The following KCTD16 variants were observed in gnomAD, a reference collection of about 807,000 sequenced individuals.
The protein encoded by KCTD16 is potassium channel tetramerization domain containing 16.
A neutral mutation model predicts 33.2 loss-of-function variants in KCTD16; 13 were observed. The observed-to-expected ratio is 0.39, with a 90% CI of 0.25 to 0.62. The LOEUF (loss-of-function observed/expected upper bound fraction) is 0.62, where lower values mean the gene tolerates loss of function less well. Among genes scored for constraint, KCTD16 ranks in the 20% least tolerant of loss-of-function variants. The pLI is 0.50. For missense variants in KCTD16, 441 were observed against 525.1 expected, an observed-to-expected ratio of 0.84 and a Z score of 1.57; for synonymous variants, 197 against 195.3, an observed-to-expected ratio of 1.01 and a Z score of -0.07.
intron 3 of KCTD16, among the ~76,000 whole-genome samples, chr5:144,321,543 G>A (rs183311747): frequency 5.9e-5 from 9 of 152,212 alleles, no homozygotes; most frequent in Admixed American, 2.0e-4. Flanking sequence ...GTTTAAAACC[G>A]TCTAGGTTAG....
At chr5:144,252,793 G>C (rs768175754) in intron 3 of KCTD16, among the ~76,000 whole-genome samples, 14 of 151,284 alleles carry the variant, frequency 9.3e-5, no homozygotes, top group Non-Finnish European at 2.1e-4. Flanking sequence ...TGTCAGGAAA[G>C]TTTCATCTCT....
At chr5:144,408,874 G>A (rs1009740702) in intron 3 of KCTD16, among the ~76,000 whole-genome samples, 4 of 151,934 alleles carry the variant, frequency 2.6e-5, no homozygotes. Flanking sequence ...ACCTTCAAAT[G>A]TCTCCCACTT....
intron 3 of KCTD16, among the ~76,000 whole-genome samples, chr5:144,227,912 G>A (rs948670705): frequency 1.4e-4 from 21 of 152,322 alleles, no homozygotes; most frequent in African/African-American, 5.1e-4. Context: ...TGGAGTTACT[G>A]CTAATCAAGA....
intron 3 of KCTD16, among the ~76,000 whole-genome samples, chr5:144,305,185 T>G (rs1179170332): frequency 1.3e-5 from 2 of 152,072 alleles, no homozygotes; most frequent in African/African-American, 4.8e-5. Context: ...CTGTTATATC[T>G]TTTTTAGAGT....
intron 3 of KCTD16, among the ~76,000 whole-genome samples, chr5:144,248,838 T>C (rs529657813): frequency 6.6e-6 from 1 of 152,292 alleles, no homozygotes; most frequent in South Asian, 2.1e-4. Context: ...AAATCTTAGT[T>C]TGGGACATGT....
rs181358203 is a variant in KCTD16 at position 144,450,506 on chromosome 5, T to C, written c.833-23154T>C. ...AGAGATATCTGCACTCTCATATTCA[T>C]TGTGGCATTTTTCACAATATTCAAG... On this transcript the variant is annotated intron_variant, in intron 3 of 3. Transcript: ENST00000512467. 2.6e-5 allele frequency among the ~76,000 whole-genome samples: 4 copies of C among 152,214 alleles called. No individual in the cohort carries two copies. The East Asian group carries it at 7.7e-4, about 29-fold the overall frequency.
chr5:144,397,081 AC>A (rs1752585683), intron 3 of KCTD16, among the ~76,000 whole-genome samples: 1 of 44,128 alleles, frequency 2.3e-5, no homozygotes, highest in East Asian at 8.2e-4. Flanking sequence ...CCCTCCCCCC[AC>A]CCCACAACAG....
At chr5:144,248,960 TCTTTA>T (rs1356439909) in intron 3 of KCTD16, among the ~76,000 whole-genome samples, 4 of 152,202 alleles carry the variant, frequency 2.6e-5, no homozygotes, top group Non-Finnish European at 5.9e-5. Flanking sequence ...AGACTCTGCC[TCTTTA>T]CTTGGTCTCA....
In KCTD16 at chr5:144,441,737, A is replaced by G. The variant is rs1435696525; in HGVS notation, c.833-31923A>G. Among the ~76,000 whole-genome samples, 4 of 149,882 alleles carry G rather than the reference A, an allele frequency of 2.7e-5. No individual in the cohort carries two copies. In the East Asian group the frequency reaches 7.8e-4, roughly 29 times the overall value. ...GATTATAGTAGTAGCTTTGTAGTAA[A>G]TTTTGAAATCAGGATATATGAGTTC... On this transcript the variant is annotated intron_variant, in intron 3 of 3. Coordinates refer to ENST00000512467, the MANE Select transcript of KCTD16 (RefSeq NM_020768.4).
At chr5:144,390,722 T>C (rs549348260) in intron 3 of KCTD16, among the ~76,000 whole-genome samples, 1 of 152,058 alleles carries the variant, frequency 6.6e-6, no homozygotes, top group Non-Finnish European at 1.5e-5. Flanking sequence ...TTCCCCTCCC[T>C]GTGCCCATGT....
chr5:144,427,344 C>A (rs1047523810), intron 3 of KCTD16, among the ~76,000 whole-genome samples: 1 of 152,056 alleles, frequency 6.6e-6, no homozygotes, highest in Non-Finnish European at 1.5e-5. Context: ...GACATTCCTA[C>A]TTTATTTTCT....
rs550828860 is a variant in KCTD16, at chr5:144,404,323, A to G, written c.833-69337A>G. On this transcript the variant is annotated intron_variant, in intron 3 of 3. Transcript: ENST00000512467. ...ACCATCCCTTAATAGTATTAAACAA[A>G]CAATAAATATCAATTAATATTGATA... Among the ~76,000 whole-genome samples the G allele has an allele frequency of 2.6e-4, 40 of 152,318 alleles. 1 individual carries two copies. The highest frequency in any genetic ancestry group is 2.1e-3 in the Admixed American group (32 of 15,300).
chr5:144,426,825 G>A (rs974892012), intron 3 of KCTD16, among the ~76,000 whole-genome samples: 1 of 152,028 alleles, frequency 6.6e-6, no homozygotes, highest in African/African-American at 2.4e-5. Flanking sequence ...CCACCCCCTT[G>A]ATAATGCCAT....
At chr5:144,337,850 A>G (rs915775371) in intron 3 of KCTD16, among the ~76,000 whole-genome samples, 1 of 152,168 alleles carries the variant, frequency 6.6e-6, no homozygotes. Context: ...CAGAGTGTCT[A>G]GGTCCAGATC....
chr5:144,209,787 AATAT>A (rs10628313), intron 3 of KCTD16, among the ~76,000 whole-genome samples: 1 of 141,060 alleles, frequency 7.1e-6, no homozygotes, highest in African/African-American at 2.6e-5. Context: ...CTTAGGGGGA[AATAT>A]ATATATATAT....
rs1242336976 is a variant in KCTD16, at chr5:144,207,367, C to G, written c.653C>G (p.Ala218Gly). 6.2e-7 allele frequency: 1 copy of G among 1,614,160 alleles called. No individual in the cohort carries two copies. The highest frequency in any genetic ancestry group is 2.2e-5 in the East Asian group (1 of 44,882). ...TLNESRDPDR[A>G]PERYTSRFYL... ...AATGAAAGCAGAGACCCTGATCGAG[C>G]CCCAGAAAGATACACCTCCAGATTT... The change falls in exon 3 of 4, where the codon GCC (alanine) becomes GGC (glycine). Residue 218 changes from alanine (A) to glycine (G), a missense_variant. This residue lies in a region of KCTD16 where 355 missense variants were observed against 413.0 expected (regional missense o/e 0.86). Transcript: ENST00000512467.
chr5:144,351,213 C>T (rs1455188870), intron 3 of KCTD16, among the ~76,000 whole-genome samples: 4 of 152,058 alleles, frequency 2.6e-5, no homozygotes, highest in African/African-American at 2.4e-5. Flanking sequence ...ATTCTTTCTA[C>T]GAATGTGTCT....
intron 3 of KCTD16, among the ~76,000 whole-genome samples, chr5:144,345,349 TATA>T (rs917587163): frequency 8.6e-5 from 13 of 151,696 alleles, no homozygotes; most frequent in South Asian, 8.3e-4. Flanking sequence ...AAACTTAAAG[TATA>T]ATAATAATAA....
At chr5:144,258,907 A>G (rs1754923658) in intron 3 of KCTD16, among the ~76,000 whole-genome samples, 1 of 152,134 alleles carries the variant, frequency 6.6e-6, no homozygotes, top group Non-Finnish European at 1.5e-5. Context: ...TGTCTGTCTC[A>G]AAATCCTACT....
Sources: allele counts gnomAD v4.1 joint callset (sites outside exome capture counted in the v4.1 genomes callset), GRCh38; gene constraint gnomAD v4.1.1; regional missense constraint gnomAD v4.1.1; transcripts MANE v1.5; gene names NCBI Gene and HGNC (gene_info 2026-07-23, HGNC 2026-07-21).